SERINC5: variants seen among roughly 807,000 people sequenced by gnomAD.
SERINC5 encodes chromosome 5 open reading frame 12.
Under a neutral mutation model 63.1 loss-of-function variants are expected in SERINC5, and 41 were observed. The ratio of observed to expected loss-of-function variants is 0.65; its 90% CI spans 0.51 to 0.84. The LOEUF (loss-of-function observed/expected upper bound fraction) is 0.84. SERINC5 is among the 40% of genes least tolerant of loss of function. SERINC5 has a pLI of 0.00. For synonymous variants in SERINC5, 222 were observed against 215.2 expected (o/e 1.03, Z -0.28); for missense variants, 523 against 573.0 (o/e 0.91, Z 0.89).
chr5:80,256,007 C>T lies in SERINC5; in HGVS notation c.-85G>A. The T allele has an allele frequency of 2.2e-6, 3 of 1,339,894 alleles. No individual in the cohort carries two copies. Among genetic ancestry groups the T allele is most frequent in the Admixed American group, 2.9e-5 (1 of 33,974 alleles). The allele number at this position is 1,339,894 out of a possible 1,614,324, so 83.0% of individuals were successfully genotyped here. A position where few individuals can be genotyped will look rare whatever the true frequency, so the allele number is the denominator to read the frequency against. On this transcript the variant is annotated 5_prime_UTR_variant, in exon 1 of 12. Coordinates refer to ENST00000507668, the MANE Select transcript of SERINC5 (RefSeq NM_001174072.3). The stretch of plus-strand genomic sequence containing the variant: ...GCTGCCTCGCGCCTCGAGCGCTGGG[C>T]TCAGCCGCAGCTCACACTTGAACGA...
chr5:80,202,934 G>C lies in SERINC5; in HGVS notation c.147C>G (p.Leu49=). 1 of 1,613,202 alleles carries C rather than the reference G, an allele frequency of 6.2e-7. No homozygotes were observed. The highest frequency in any genetic ancestry group is 8.5e-7 in the Non-Finnish European group (1 of 1,179,272). Residue 49 remains leucine (L), a synonymous_variant, in exon 2 of 12, where the codon CTC becomes CTG. Transcript: ENST00000507668. The part of the protein sequence containing the change: ...YALYFILVVV[L]CCIMMSTTVA... ...CGGTTGTTGACATCATGATGCAGCAGAGGACGACGACCAGAATGAAGTAGA... is the reference window on the plus strand; with the variant it reads ...CGGTTGTTGACATCATGATGCAGCACAGGACGACGACCAGAATGAAGTAGA...
At chr5:80,156,054 C>T (rs1193400183) in intron 8 of SERINC5, among the ~76,000 whole-genome samples, 1 of 151,934 alleles carries the variant, frequency 6.6e-6, no homozygotes. Context: ...CTCTGGAGGG[C>T]GAAGGGAAAG....
chr5:80,177,781 T>C (rs1748131539), intron 3 of SERINC5, 105 bp downstream of exon 3: 2 of 875,646 alleles, frequency 2.3e-6, no homozygotes, highest in Non-Finnish European at 3.5e-6. Context: ...CAATTTCAAC[T>C]AGAAGAAGGG....
In SERINC5 at chr5:80,143,021, G is replaced by A. The variant is rs1745603589; in HGVS notation, c.*642C>T. 4.1e-6 allele frequency: 4 copies of A among 985,458 alleles called. No homozygotes were observed. The highest frequency in any genetic ancestry group is 1.2e-4 in the Admixed American group (2 of 16,270). The allele number at this position is 985,458 out of a possible 1,614,324, so 61.0% of individuals were successfully genotyped here. ...CAAAGATGTGGGACCCAGAAAAGATGAGACCTCGGGGAAGGGTGCAGGCAG... is the reference window on the plus strand; with the variant it reads ...CAAAGATGTGGGACCCAGAAAAGATAAGACCTCGGGGAAGGGTGCAGGCAG... On this transcript the variant is annotated 3_prime_UTR_variant, in exon 12 of 12. Transcript: ENST00000507668.
chr5:80,153,359 G>C (rs1368137680), intron 8 of SERINC5, among the ~76,000 whole-genome samples: 2 of 151,782 alleles, frequency 1.3e-5, no homozygotes, highest in African/African-American at 4.8e-5. Flanking sequence ...TCGGGAGACT[G>C]AGGCAAGAGA....
intron 9 of SERINC5, 65 bp downstream of exon 9, chr5:80,150,817 A>T: frequency 1.8e-6 from 2 of 1,124,072 alleles, no homozygotes; most frequent in Admixed American, 3.4e-5. Context: ...ACACAAACAC[A>T]AAAGGCCCTC....
In SERINC5 at chr5:80,255,916, C is replaced by G. The variant is rs753506457; in HGVS notation, c.7G>C (p.Ala3Pro). The G allele has an allele frequency of 4.5e-6, 7 of 1,570,098 alleles. No individual in the cohort carries two copies. Among genetic ancestry groups the G allele is most frequent in the Non-Finnish European group, 6.0e-6 (7 of 1,165,538 alleles). ...CTCACCTGGCCCGCACAGCACTGAG[C>G]TGACATCGCGGCGGCCAATGCCGAA... MS[A>P]QCCAGQLACC... Residue 3 changes from alanine (A) to proline (P), a missense_variant, in exon 1 of 12, where the codon GCT becomes CCT. Physicochemically the swap from Ala to Pro is conservative, Grantham distance 27 (BLOSUM62 -1). Coordinates refer to ENST00000507668, the MANE Select transcript of SERINC5 (RefSeq NM_001174072.3).
At chr5:80,234,590 G>T (rs915054549) in intron 1 of SERINC5, among the ~76,000 whole-genome samples, 1 of 152,150 alleles carries the variant, frequency 6.6e-6, no homozygotes, top group Non-Finnish European at 1.5e-5. Flanking sequence ...AAAACATGAT[G>T]AATTTCGCAC....
At position 80,142,522 on chromosome 5, in the gene SERINC5, C is replaced by A; in HGVS notation, c.*1141G>T. On this transcript the variant is annotated 3_prime_UTR_variant, in exon 12 of 12. Transcript: ENST00000507668. ...TTTTAAGTATATTCGGCCACTTCCA[C>A]ACATTGCCTAACAAGCTTCTTCTGG... The A allele has an allele frequency of 1.0e-6, 1 of 985,476 alleles. No individual in the cohort carries two copies. The highest frequency in any genetic ancestry group is 1.2e-6 in the Non-Finnish European group (1 of 829,962). The allele number at this position is 985,476 out of a possible 1,614,324, so 61.0% of individuals were successfully genotyped here.
intron 1 of SERINC5, among the ~76,000 whole-genome samples, chr5:80,210,561 C>T (rs1037545974): frequency 5.3e-5 from 8 of 152,060 alleles, no homozygotes; most frequent in Admixed American, 5.2e-4. Flanking sequence ...AGCACAATAC[C>T]TTCATTACCT....
At chr5:80,190,959 C>CA (rs11455049) in intron 2 of SERINC5, among the ~76,000 whole-genome samples, 152,197 of 152,206 alleles carry the variant, frequency 1, 76,094 homozygotes, top group Middle Eastern at 1. Context: ...CCTGGATCAC[C>CA]AAATGCTTGG....
At chr5:80,233,107 G>A (rs1005296394) in intron 1 of SERINC5, among the ~76,000 whole-genome samples, 4 of 152,156 alleles carry the variant, frequency 2.6e-5, no homozygotes, top group African/African-American at 9.7e-5. Context: ...TATATGCTAT[G>A]TGAAACTACT....
At chr5:80,227,537 G>C (rs981762753) in intron 1 of SERINC5, among the ~76,000 whole-genome samples, 1 of 150,696 alleles carries the variant, frequency 6.6e-6, no homozygotes, top group Non-Finnish European at 1.5e-5. Flanking sequence ...CAGGCGGGTG[G>C]ATCACTTGAA....
At chr5:80,222,288 C>T (rs994975691) in intron 1 of SERINC5, among the ~76,000 whole-genome samples, 7 of 152,094 alleles carry the variant, frequency 4.6e-5, no homozygotes, top group Non-Finnish European at 1.0e-4. Flanking sequence ...GAATCACCCC[C>T]ACTTTGCAAC....
At chr5:80,231,031 G>A (rs1339554056) in intron 1 of SERINC5, among the ~76,000 whole-genome samples, 1 of 152,020 alleles carries the variant, frequency 6.6e-6, no homozygotes, top group Non-Finnish European at 1.5e-5. Context: ...TCGAACTCCT[G>A]GCTTCAAGCA....
intron 1 of SERINC5, among the ~76,000 whole-genome samples, chr5:80,229,773 A>G (rs1305929281): frequency 6.6e-6 from 1 of 152,222 alleles, no homozygotes; most frequent in African/African-American, 2.4e-5. Flanking sequence ...GTTAGCTTGC[A>G]TGCATGCTCA....
At position 80,147,277 on chromosome 5, in the gene SERINC5, C is replaced by T. The variant is rs780405380; in HGVS notation, c.1061G>A (p.Arg354His). ...ACCAGGACTGAAGCAAAAACAACAG[C>T]GAGCTATCTGTGAAAGCAAAAGCAA... is the stretch of plus-strand genomic sequence containing the variant. ...RYAAPELEIA[R>H]CCFCFSPGGE... Residue 354 changes from arginine (R) to histidine (H), a missense_variant, in exon 10 of 12, where the codon CGC (arginine) becomes CAC (histidine). Arg to His is a conservative substitution (Grantham distance 29). Coordinates refer to ENST00000507668, the MANE Select transcript of SERINC5 (RefSeq NM_001174072.3). 8 of 1,605,614 alleles carry T rather than the reference C, an allele frequency of 5.0e-6. No individual in the cohort carries two copies. The highest frequency in any genetic ancestry group is 2.7e-5 in the African/African-American group (2 of 74,748).
At chr5:80,219,302 GAGTA>G (rs1205696393) in intron 1 of SERINC5, among the ~76,000 whole-genome samples, 1 of 152,136 alleles carries the variant, frequency 6.6e-6, no homozygotes, top group Non-Finnish European at 1.5e-5. Context: ...TTTTTTCTTG[GAGTA>G]ACAGCTGCAC....
At chr5:80,125,670 T>C (rs1440206378) in intron 11 of SERINC5, among the ~76,000 whole-genome samples, 2 of 152,152 alleles carry the variant, frequency 1.3e-5, no homozygotes, top group African/African-American at 4.8e-5. Context: ...ATGGCTGGAA[T>C]GGATTGGGGA....
Sources: gnomAD v4.1 joint callset for allele counts (sites outside exome capture counted in the v4.1 genomes callset) on GRCh38, gnomAD v4.1.1 for gene constraint, MANE v1.5 for transcripts, NCBI Gene and HGNC (gene_info 2026-07-23, HGNC 2026-07-21) for gene names.